The following PCNX2 variants were observed in gnomAD, a reference collection of about 807,000 sequenced individuals.
PCNX2 encodes pecanex-like protein 2.
PCNX2 carries 168 observed loss-of-function variants against 223.8 expected under a neutral mutation model. That is an observed-to-expected ratio of 0.75 (90% CI 0.66 to 0.85). The LOEUF (loss-of-function observed/expected upper bound fraction) is 0.85, where lower values mean the gene tolerates loss of function less well. PCNX2 is among the 40% of genes least tolerant of loss of function. The pLI is 0.00. For missense variants in PCNX2, 2,507 were observed against 2,675.5 expected, an observed-to-expected ratio of 0.94 and a Z score of 1.39; for synonymous variants, 1,006 against 1,052.6, an observed-to-expected ratio of 0.96 and a Z score of 0.86.
intron 28 of PCNX2, among the ~76,000 whole-genome samples, chr1:233,010,607 A>G (rs1369312594): frequency 6.6e-6 from 1 of 152,238 alleles, no homozygotes; most frequent in Non-Finnish European, 1.5e-5. Context: ...TTGACTTCCT[A>G]CTAAAACATC....
chr1:232,986,012 G>A (rs1356564625), intron 33 of PCNX2, 80 bp downstream of exon 33: 9 of 1,461,628 alleles, frequency 6.2e-6, no homozygotes, highest in African/African-American at 4.2e-5. Flanking sequence ...GGGTGGGAAC[G>A]CAAGGCAGGT....
At chr1:233,214,360 T>C (rs142993807) in intron 12 of PCNX2, among the ~76,000 whole-genome samples, 1 of 152,316 alleles carries the variant, frequency 6.6e-6, no homozygotes, top group Non-Finnish European at 1.5e-5. Context: ...TCTCACAGCT[T>C]ACACATGGTA....
intron 1 of PCNX2, among the ~76,000 whole-genome samples, chr1:233,292,202 C>CTTTTTTTTTTTTTT (rs963996089): frequency 2.7e-5 from 3 of 109,490 alleles, no homozygotes; most frequent in African/African-American, 4.0e-5. Context: ...TTCTTTCTTT[C>CTTTTTTTTTTTTTT]TTTTTTTTTT....
chr1:233,145,181 T>C (rs12118654), intron 19 of PCNX2, among the ~76,000 whole-genome samples: 53,394 of 151,850 alleles, frequency 0.35, 10,537 homozygotes, highest in South Asian at 0.47. Context: ...TTAGCCATGA[T>C]AGTCTCAACC....
At chr1:233,158,184 C>A (rs558930895) in intron 19 of PCNX2, among the ~76,000 whole-genome samples, 241 of 152,224 alleles carry the variant, frequency 1.6e-3, no homozygotes, top group Non-Finnish European at 2.4e-3. Context: ...AACAAAAAAA[C>A]CAGAAACCGA....
At chr1:233,084,524 G>C (rs1001505239) in intron 23 of PCNX2, among the ~76,000 whole-genome samples, 2 of 152,142 alleles carry the variant, frequency 1.3e-5, no homozygotes, top group Non-Finnish European at 2.9e-5. Flanking sequence ...TTCATCTAGC[G>C]CTGTAGGTCT....
chr1:233,147,370 T>A (rs957941566), intron 19 of PCNX2, among the ~76,000 whole-genome samples: 3 of 152,188 alleles, frequency 2.0e-5, no homozygotes, highest in Admixed American at 1.3e-4. Flanking sequence ...AAGAAAATCA[T>A]AAGAAAGAGA....
At chr1:232,987,974 T>A (rs1571981228) in intron 32 of PCNX2, among the ~76,000 whole-genome samples, 1 of 152,184 alleles carries the variant, frequency 6.6e-6, no homozygotes, top group African/African-American at 2.4e-5. Context: ...CTGGGATGAG[T>A]GTGCTCAGCC....
At chr1:233,069,725 G>A (rs1051495125) in intron 23 of PCNX2, among the ~76,000 whole-genome samples, 7 of 152,080 alleles carry the variant, frequency 4.6e-5, no homozygotes, top group African/African-American at 1.7e-4. Context: ...ATCAAGATTT[G>A]TCGAACATAG....
At chr1:233,171,890 A>G (rs1679172536) in intron 17 of PCNX2, among the ~76,000 whole-genome samples, 1 of 151,686 alleles carries the variant, frequency 6.6e-6, no homozygotes, top group Non-Finnish European at 1.5e-5. Flanking sequence ...TCTTTTGTCA[A>G]TTAGTGTTAT....
chr1:233,246,579 G>A (rs750756317), intron 8 of PCNX2, among the ~76,000 whole-genome samples: 1 of 152,188 alleles, frequency 6.6e-6, no homozygotes, highest in Non-Finnish European at 1.5e-5. Context: ...GTGTGTAAGT[G>A]TTTAACAAAT....
chr1:233,299,736 C>G (rs928748111), upstream of PCNX2, among the ~76,000 whole-genome samples: 1 of 152,206 alleles, frequency 6.6e-6, no homozygotes, highest in Admixed American at 6.5e-5. Context: ...GGTTTCTTCT[C>G]TTTTCCAGTC....
intron 24 of PCNX2, among the ~76,000 whole-genome samples, chr1:233,055,281 G>C (rs1483320867): frequency 6.6e-6 from 1 of 152,156 alleles, no homozygotes; most frequent in Non-Finnish European, 1.5e-5. Context: ...GCCAGGACTT[G>C]GAATTGTCCA....
rs1053651409 is a variant in PCNX2 at position 233,283,014 on chromosome 1, C to T, written c.153+12312G>A. 5.7e-5 allele frequency among the ~76,000 whole-genome samples: 6 copies of T among 104,852 alleles called. No individual in the cohort carries two copies. The East Asian group carries it at 1.2e-3, about 21-fold the overall frequency. The allele number at this position is 104,852 out of a possible 152,430, so 68.8% of individuals were successfully genotyped here. ...CTCTGGCAGTACATTACTGGTGATGCGTATTCTAAAAAAAAAAATAATAAT... is the reference window on the plus strand; with the variant it reads ...CTCTGGCAGTACATTACTGGTGATGTGTATTCTAAAAAAAAAAATAATAAT... On this transcript the variant is annotated intron_variant, in intron 1 of 33. Coordinates refer to ENST00000258229, the MANE Select transcript of PCNX2 (RefSeq NM_014801.4).
intron 21 of PCNX2, among the ~76,000 whole-genome samples, chr1:233,100,557 T>G (rs1298693717): frequency 2.6e-5 from 4 of 152,136 alleles, no homozygotes; most frequent in Non-Finnish European, 5.9e-5. Context: ...TGCTGTTATA[T>G]CTCTGCTATA....
intron 21 of PCNX2, among the ~76,000 whole-genome samples, chr1:233,131,312 T>G (rs528195078): frequency 6.6e-6 from 1 of 152,112 alleles, no homozygotes; most frequent in Admixed American, 6.5e-5. Context: ...CAGAGAGCCG[T>G]ACTACCTGTA....
chr1:233,112,757 T>A (rs1675187280), intron 21 of PCNX2: 9 of 1,096,974 alleles, frequency 8.2e-6, no homozygotes, highest in Admixed American at 3.6e-5. Flanking sequence ...TACTTTGGCA[T>A]GAGAATTAAG....
chr1:233,177,987 A>T, intron 16 of PCNX2, 89 bp from the exon 17 acceptor site: 1 of 946,400 alleles, frequency 1.1e-6, no homozygotes, highest in South Asian at 1.6e-5. Flanking sequence ...TCACACCCAC[A>T]CATGACAAAA....
At chr1:233,296,266 C>T (rs995841591), upstream of PCNX2, among the ~76,000 whole-genome samples, 5 of 152,188 alleles carry the variant, frequency 3.3e-5, no homozygotes, top group African/African-American at 1.2e-4. Flanking sequence ...TAAGCTCTAC[C>T]TGGTCCTCTG....
Sources: allele counts gnomAD v4.1 joint callset (sites outside exome capture counted in the v4.1 genomes callset), GRCh38; gene constraint gnomAD v4.1.1; transcripts MANE v1.5; gene names NCBI Gene and HGNC (gene_info 2026-07-23, HGNC 2026-07-21).